The following GRIK1 variants were observed in gnomAD, a reference collection of about 807,000 sequenced individuals.
GRIK1 encodes glutamate ionotropic receptor kainate type subunit 1.
GRIK1 carries 69 observed loss-of-function variants against 105.7 expected under a neutral mutation model. The ratio of observed to expected loss-of-function variants is 0.65; its 90% CI spans 0.54 to 0.80. The LOEUF is 0.80. Among genes scored for constraint, GRIK1 ranks in the 30% least tolerant of loss-of-function variants. The pLI is 0.00. For synonymous variants in GRIK1, 438 were observed against 431.3 expected (o/e 1.02, Z -0.19); for missense variants, 1,109 against 1,167.3 (o/e 0.95, Z 0.73).
chr21:29,766,641 A>G (rs528129923), intron 1 of GRIK1, among the ~76,000 whole-genome samples: 1 of 152,310 alleles, frequency 6.6e-6, no homozygotes, highest in African/African-American at 2.4e-5. Context: ...GTAAATAGCT[A>G]CCTGTTTCTA....
At chr21:29,836,731 A>C (rs2067818013) in intron 1 of GRIK1, among the ~76,000 whole-genome samples, 1 of 152,234 alleles carries the variant, frequency 6.6e-6, no homozygotes, top group Non-Finnish European at 1.5e-5. Context: ...ATGAGAAATC[A>C]GACAAATATT....
chr21:29,666,793 A>G (rs2063066954), intron 4 of GRIK1, among the ~76,000 whole-genome samples: 1 of 152,242 alleles, frequency 6.6e-6, no homozygotes. Flanking sequence ...TAACTAAAAT[A>G]CGTTTCAGGT....
At chr21:29,697,082 G>T (rs1452421467) in intron 1 of GRIK1, among the ~76,000 whole-genome samples, 1 of 152,154 alleles carries the variant, frequency 6.6e-6, no homozygotes, top group Admixed American at 6.5e-5. Flanking sequence ...GTCTGGGACT[G>T]ACTCAGTTGT....
Position 29,553,703 on chromosome 21 carries a change from G to T in GRIK1, c.2607+1349C>A, listed in dbSNP as rs363503. 2.3e-5 allele frequency: 35 copies of T among 1,555,042 alleles called. 1 individual carries two copies. The South Asian group carries it at 2.7e-4, about 12-fold the overall frequency. On this transcript the variant is annotated intron_variant, in intron 16 of 17. Coordinates refer to ENST00000327783, the MANE Select transcript of GRIK1 (RefSeq NM_001330994.2). Reference sequence around the variant, plus strand: ...TTGCAGTCCATAAAAGAAACAAAAAGCCTTGCATGCAAAAGAAATGAGAAA... The same window carrying T: ...TTGCAGTCCATAAAAGAAACAAAAATCCTTGCATGCAAAAGAAATGAGAAA...
chr21:29,854,348 C>A (rs2068397137), intron 1 of GRIK1, among the ~76,000 whole-genome samples: 1 of 152,154 alleles, frequency 6.6e-6, no homozygotes, highest in South Asian at 2.1e-4. Context: ...ACCCCCCCAC[C>A]AAGCCCCACC....
intron 16 of GRIK1, among the ~76,000 whole-genome samples, chr21:29,548,033 C>T (rs1189061822): frequency 2.0e-5 from 3 of 152,176 alleles, no homozygotes; most frequent in Non-Finnish European, 4.4e-5. Flanking sequence ...AGTCTAAACC[C>T]TCCAGTTGAA....
At chr21:29,589,236 G>A (rs1310129605) in intron 10 of GRIK1, among the ~76,000 whole-genome samples, 194 bp from the exon 11 acceptor site, 1 of 152,066 alleles carries the variant, frequency 6.6e-6, no homozygotes, top group African/African-American at 2.4e-5. Context: ...TTTCCCTTCT[G>A]CGTCTTTCGA....
chr21:29,925,631 C>G (rs942219563), intron 1 of GRIK1, among the ~76,000 whole-genome samples: 1 of 152,184 alleles, frequency 6.6e-6, no homozygotes, highest in African/African-American at 2.4e-5. Context: ...AAACAAAAGG[C>G]AGGTCAGCCT....
At chr21:29,752,808 A>T (rs554063856) in intron 1 of GRIK1, among the ~76,000 whole-genome samples, 115 of 152,364 alleles carry the variant, frequency 7.5e-4, no homozygotes, top group Non-Finnish European at 1.3e-3. Context: ...CTGCACTCCA[A>T]CTTTGGATGA....
chr21:29,818,578 C>T lies in GRIK1; in HGVS notation c.118+120805G>A, dbSNP rs531087672. On this transcript the variant is annotated intron_variant, in intron 1 of 17. Transcript: ENST00000327783. ...CCCAGCCTCCCAGCTTGCTCATATC[C>T]TCATTATGGGAAAAGCTATTCCAAA... Among the ~76,000 whole-genome samples the T allele has an allele frequency of 2.0e-5, 3 of 152,210 alleles. No individual in the cohort carries two copies. The East Asian group carries it at 5.8e-4, about 29-fold the overall frequency.
At chr21:29,861,741 C>A (rs2068647755) in intron 1 of GRIK1, 1 of 410,804 alleles carries the variant, frequency 2.4e-6, no homozygotes, top group Non-Finnish European at 4.8e-6. Context: ...TCTTGTTTTG[C>A]CTGTTGATAT....
chr21:29,646,238 T>C (rs1456257932), intron 6 of GRIK1, among the ~76,000 whole-genome samples: 1 of 152,170 alleles, frequency 6.6e-6, no homozygotes, highest in Non-Finnish European at 1.5e-5. Flanking sequence ...GGGAGCTCCA[T>C]GCCTATGTGA....
intron 1 of GRIK1, among the ~76,000 whole-genome samples, chr21:29,699,798 A>G (rs1293102917): frequency 6.6e-6 from 1 of 151,820 alleles, no homozygotes; most frequent in African/African-American, 2.4e-5. Flanking sequence ...ACAGGCAAGC[A>G]CCACCACACC....
At chr21:29,644,342 T>C (rs2062574640) in intron 6 of GRIK1, among the ~76,000 whole-genome samples, 1 of 152,222 alleles carries the variant, frequency 6.6e-6, no homozygotes, top group Non-Finnish European at 1.5e-5. Context: ...AGGCAGAAAC[T>C]GCTCAAATTT....
In GRIK1 at chr21:29,864,049, ACT is replaced by A. The variant is rs920863480; in HGVS notation, c.118+75332_118+75333del. Among the ~76,000 whole-genome samples, 8 of 150,140 alleles carry A rather than the reference ACT, an allele frequency of 5.3e-5. No individual in the cohort carries two copies. The South Asian group carries it at 1.5e-3, about 28-fold the overall frequency. On this transcript the variant is annotated intron_variant, in intron 1 of 17. Coordinates refer to ENST00000327783, the MANE Select transcript of GRIK1 (RefSeq NM_001330994.2). ...TCATTATTTTGGAGATTCTCTGGCC[ACT>A]CTCTGTTATTTGGATCCTCCCTCAT... is the stretch of plus-strand genomic sequence containing the variant.
At chr21:29,786,994 A>T (rs1319095481) in intron 1 of GRIK1, among the ~76,000 whole-genome samples, 1 of 152,154 alleles carries the variant, frequency 6.6e-6, no homozygotes, top group African/African-American at 2.4e-5. Flanking sequence ...TTTATCTGAG[A>T]TTCATTGTAA....
At chr21:29,612,794 C>T (rs1754517778) in intron 7 of GRIK1, among the ~76,000 whole-genome samples, 1 of 152,162 alleles carries the variant, frequency 6.6e-6, no homozygotes, top group Admixed American at 6.5e-5. Context: ...TTTAAAAATA[C>T]CGCTAATAGG....
intron 1 of GRIK1, among the ~76,000 whole-genome samples, chr21:29,938,285 T>C (rs1260565977): frequency 2.6e-5 from 4 of 152,222 alleles, no homozygotes; most frequent in Admixed American, 2.6e-4. Context: ...GCTTCACTCT[T>C]GCGGTTGAAA....
chr21:29,867,236 T>A (rs1055139150), intron 1 of GRIK1, among the ~76,000 whole-genome samples: 1 of 151,870 alleles, frequency 6.6e-6, no homozygotes, highest in African/African-American at 2.4e-5. Context: ...GAATAAAAGA[T>A]CCTTAGAGAC....
Sources: allele counts gnomAD v4.1 joint callset (sites outside exome capture counted in the v4.1 genomes callset), GRCh38; gene constraint gnomAD v4.1.1; transcripts MANE v1.5; gene names NCBI Gene and HGNC (gene_info 2026-07-23, HGNC 2026-07-21).